The following PTK2 variants were observed in gnomAD, a reference collection of about 807,000 sequenced individuals.
The protein encoded by PTK2 is protein tyrosine kinase 2, also known as focal adhesion kinase 1.
Under a neutral mutation model 150.1 loss-of-function variants are expected in PTK2, and 45 were observed. That is an observed-to-expected ratio of 0.30 (90% CI 0.24 to 0.38). The LOEUF (loss-of-function observed/expected upper bound fraction) is 0.38. Among genes scored for constraint, PTK2 ranks in the 10% least tolerant of loss-of-function variants. The pLI is 1.00. For synonymous variants in PTK2, 432 were observed against 449.2 expected (o/e 0.96, Z 0.48); for missense variants, 919 against 1,307.3 (o/e 0.70, Z 4.58).
chr8:140,979,547 G>C (rs1043887550), intron 1 of PTK2, among the ~76,000 whole-genome samples: 1 of 152,110 alleles, frequency 6.6e-6, no homozygotes, highest in African/African-American at 2.4e-5. Context: ...CCTCCAAAAT[G>C]ACAAAACTGA....
intron 31 of PTK2, chr8:140,660,725 T>G (rs548885329): frequency 2.4e-6 from 1 of 421,088 alleles, no homozygotes; most frequent in African/African-American, 2.0e-5. Context: ...GACCATTATG[T>G]ACGCCCCTCC....
intron 26 of PTK2, among the ~76,000 whole-genome samples, chr8:140,688,494 C>G (rs1365991383): frequency 6.6e-6 from 1 of 151,598 alleles, no homozygotes; most frequent in East Asian, 1.9e-4. Context: ...GTGGGAGGAC[C>G]CTTTGAGGCC....
chr8:140,667,733 T>C (rs553302706), intron 30 of PTK2, among the ~76,000 whole-genome samples: 2 of 152,338 alleles, frequency 1.3e-5, no homozygotes, highest in South Asian at 4.1e-4. Context: ...GAAAATTCAA[T>C]GAACACCCAC....
intron 5 of PTK2, among the ~76,000 whole-genome samples, chr8:140,860,036 A>T (rs955241471): frequency 6.6e-6 from 1 of 152,222 alleles, no homozygotes; most frequent in Non-Finnish European, 1.5e-5. Context: ...ATTTAAAAAT[A>T]TGCATTTTTT....
At chr8:140,697,543 C>T (rs1261624177) in intron 26 of PTK2, among the ~76,000 whole-genome samples, 2 of 151,754 alleles carry the variant, frequency 1.3e-5, no homozygotes, top group African/African-American at 4.8e-5. Context: ...CGGGTTCAAA[C>T]GATTCTCCTG....
intron 22 of PTK2, among the ~76,000 whole-genome samples, chr8:140,724,739 C>T (rs773682336): frequency 3.9e-5 from 6 of 152,170 alleles, no homozygotes; most frequent in South Asian, 2.1e-4. Context: ...AATTAGTCAA[C>T]GCTGCTTCAC....
At chr8:140,926,574 T>G (rs1357482770) in intron 1 of PTK2, among the ~76,000 whole-genome samples, 1 of 152,206 alleles carries the variant, frequency 6.6e-6, no homozygotes, top group Admixed American at 6.5e-5. Context: ...GCTCATGTGA[T>G]AGTCCTCTAG....
At position 140,746,642 on chromosome 8, in the gene PTK2, T is replaced by A. The variant is rs866664014; in HGVS notation, c.1518+118A>T. Reference sequence around the variant, plus strand: ...TCTCTGAACCAAAACCATAATGACATACATCCTAAATCAGAACTCTCCTGA... The same window carrying A: ...TCTCTGAACCAAAACCATAATGACAAACATCCTAAATCAGAACTCTCCTGA... On this transcript the variant is annotated intron_variant, in intron 18 of 31. Transcript: ENST00000522684. The A allele has an allele frequency of 8.8e-6, 6 of 680,640 alleles. No homozygotes were observed. In the Admixed American group the frequency reaches 1.8e-4, roughly 21 times the overall value. 42.2% of individuals were successfully genotyped at this position (680,640 alleles called of 1,614,324 possible). A position where few individuals can be genotyped will look rare whatever the true frequency, so the allele number is the denominator to read the frequency against.
chr8:140,746,092 G>C (rs370260082), intron 18 of PTK2, among the ~76,000 whole-genome samples: 1 of 152,054 alleles, frequency 6.6e-6, no homozygotes, highest in Non-Finnish European at 1.5e-5. Context: ...AACACTTTGC[G>C]AGGCCGAGGC....
At chr8:140,835,777 G>GA (rs542441803) in intron 7 of PTK2, among the ~76,000 whole-genome samples, 1 of 152,044 alleles carries the variant, frequency 6.6e-6, no homozygotes, top group East Asian at 1.9e-4. Context: ...GTGTTGATGA[G>GA]AAAAAAAATT....
chr8:140,731,344 A>G (rs1437157760), intron 22 of PTK2, among the ~76,000 whole-genome samples: 2 of 152,210 alleles, frequency 1.3e-5, no homozygotes, highest in Non-Finnish European at 2.9e-5. Flanking sequence ...TACGCATTAT[A>G]AGAAAATTTC....
chr8:140,786,043 G>A (rs1012267055), intron 14 of PTK2, among the ~76,000 whole-genome samples: 1 of 152,168 alleles, frequency 6.6e-6, no homozygotes, highest in African/African-American at 2.4e-5. Context: ...TAAAGGGAGG[G>A]ACGTGGCTTT....
At chr8:140,837,163 C>CT (rs1480516175) in intron 7 of PTK2, among the ~76,000 whole-genome samples, 2 of 152,162 alleles carry the variant, frequency 1.3e-5, no homozygotes, top group Non-Finnish European at 2.9e-5. Context: ...AAATAAAAGT[C>CT]TTGTCTGTTT....
At chr8:140,736,239 A>C (rs999186298) in intron 21 of PTK2, among the ~76,000 whole-genome samples, 2 of 152,260 alleles carry the variant, frequency 1.3e-5, no homozygotes, top group African/African-American at 4.8e-5. Context: ...AAACAACTGA[A>C]AGCCATTTAT....
Position 140,830,536 on chromosome 8 carries a change from A to G in PTK2, c.594-10T>C. 6.8e-7 allele frequency: 1 copy of G among 1,477,640 alleles called. No individual in the cohort carries two copies. The highest frequency in any genetic ancestry group is 9.2e-7 in the Non-Finnish European group (1 of 1,085,468). 91.5% of individuals were successfully genotyped at this position (1,477,640 alleles called of 1,614,324 possible). On this transcript the variant is annotated splice_polypyrimidine_tract_variant and intron_variant, in intron 7 of 31. Coordinates refer to ENST00000522684, the Ensembl canonical transcript of PTK2. ...TAAACCAACATCTTTTCTGAAATAT[A>G]AAAAGAAGCGTATTAACAAATAACA...
chr8:140,975,714 AG>A, intron 1 of PTK2, among the ~76,000 whole-genome samples: 1 of 152,194 alleles, frequency 6.6e-6, no homozygotes, highest in Non-Finnish European at 1.5e-5. Flanking sequence ...TAAGAGGGGA[AG>A]TCTGCCGACC....
chr8:140,805,439 A>G (rs2100097633), intron 10 of PTK2, among the ~76,000 whole-genome samples: 1 of 151,828 alleles, frequency 6.6e-6, no homozygotes, highest in Non-Finnish European at 1.5e-5. Flanking sequence ...TGTGCCTGTA[A>G]TTGCAGCTAC....
Position 140,902,949 on chromosome 8 carries a change from T to G in PTK2, c.-32-12180A>C, listed in dbSNP as rs558798779. ...GTTTTTTTTTTTTTTTTTTTTTTTT[T>G]TTTTTTTTTTGCCATGCAGAAGCTC... On this transcript the variant is annotated intron_variant, in intron 2 of 31. Coordinates refer to ENST00000522684, the Ensembl canonical transcript of PTK2. Among the ~76,000 whole-genome samples the G allele has an allele frequency of 6.0e-4, 87 of 144,198 alleles. 1 individual carries two copies. The highest frequency in any genetic ancestry group is 2.0e-3 in the African/African-American group (80 of 39,874). 94.6% of individuals were successfully genotyped at this position (144,198 alleles called of 152,430 possible).
chr8:140,913,263 T>G (rs2100163910), intron 2 of PTK2, among the ~76,000 whole-genome samples: 1 of 152,056 alleles, frequency 6.6e-6, no homozygotes, highest in Non-Finnish European at 1.5e-5. Flanking sequence ...GACAATCTAT[T>G]TCTATATACT....
Sources: allele counts gnomAD v4.1 joint callset (sites outside exome capture counted in the v4.1 genomes callset), GRCh38; gene constraint gnomAD v4.1.1; transcripts MANE v1.5; gene names NCBI Gene and HGNC (gene_info 2026-07-23, HGNC 2026-07-21).